The following TNS3 variants were observed in gnomAD, a reference collection of about 807,000 sequenced individuals.
The protein encoded by TNS3 is tensin 3.
A neutral mutation model predicts 140.9 loss-of-function variants in TNS3; 45 were observed. The ratio of observed to expected loss-of-function variants is 0.32; its 90% CI spans 0.25 to 0.41. TNS3 has a LOEUF of 0.41. Ranked by LOEUF, TNS3 falls within the 10% of genes least tolerant of loss-of-function variation. The probability of loss-of-function intolerance (pLI) is 1.00; values close to 1 mark genes in which losing one functional copy is unlikely to be tolerated. For synonymous variants in TNS3, 815 were observed against 788.4 expected (o/e 1.03, Z -0.56); for missense variants, 1,716 against 1,906.7 (o/e 0.90, Z 1.86).
intron 4 of TNS3, among the ~76,000 whole-genome samples, chr7:47,480,417 G>A (rs2151786557): frequency 6.6e-6 from 1 of 152,292 alleles, no homozygotes; most frequent in Admixed American, 6.5e-5. Context: ...CTTGCAGTGA[G>A]AGAAGAGGGT....
At chr7:47,424,216 C>T in intron 9 of TNS3, 32 bp from the exon 10 acceptor site, 1 of 1,610,196 alleles carries the variant, frequency 6.2e-7, no homozygotes, top group Non-Finnish European at 8.5e-7. Context: ...AGAGAGTTAA[C>T]TCAGTGGAGC....
chr7:47,351,606 G>A (rs539651555), intron 17 of TNS3, among the ~76,000 whole-genome samples: 12 of 152,240 alleles, frequency 7.9e-5, no homozygotes, highest in African/African-American at 2.4e-4. Context: ...TCAAGGCTCC[G>A]GTGCCACATC....
chr7:47,546,563 T>G (rs1341780732), intron 1 of TNS3, among the ~76,000 whole-genome samples: 2 of 152,164 alleles, frequency 1.3e-5, no homozygotes, highest in Non-Finnish European at 2.9e-5. Context: ...GTTCGATGTA[T>G]TGCTCTTATA....
intron 4 of TNS3, among the ~76,000 whole-genome samples, chr7:47,478,667 A>G (rs1276959559): frequency 6.6e-6 from 1 of 152,080 alleles, no homozygotes; most frequent in Non-Finnish European, 1.5e-5. Context: ...ACATATATAC[A>G]CTCACATATA....
chr7:47,464,477 A>C (rs1300524465), intron 4 of TNS3, among the ~76,000 whole-genome samples: 1 of 152,162 alleles, frequency 6.6e-6, no homozygotes, highest in African/African-American at 2.4e-5. Context: ...AGGATTGCTC[A>C]AGGTGGCCCC....
chr7:47,481,659 A>G lies in TNS3; in HGVS notation c.-114-518T>C, dbSNP rs1016292338. The G allele has an allele frequency of 5.6e-5, 55 of 985,268 alleles. No homozygotes were observed. The African/African-American group carries it at 8.2e-4, about 15-fold the overall frequency. The allele number at this position is 985,268 out of a possible 1,614,324, so 61.0% of individuals were successfully genotyped here. Reference sequence around the variant, plus strand: ...TGAATGTGGCAATGTCAACCTGGTTATTCCATTCCGCACAAGAGACGGGGA... The same window carrying G: ...TGAATGTGGCAATGTCAACCTGGTTGTTCCATTCCGCACAAGAGACGGGGA... On this transcript the variant is annotated intron_variant, in intron 3 of 30. Coordinates refer to ENST00000311160, the MANE Select transcript of TNS3 (RefSeq NM_022748.12).
chr7:47,361,210 A>AAAAAAAAAAAAAAAAAAAAC, intron 17 of TNS3, among the ~76,000 whole-genome samples: 1 of 144,452 alleles, frequency 6.9e-6, no homozygotes, highest in East Asian at 2.0e-4. Context: ...CCATGCCAAA[A>AAAAAAAAAAAAAAAAAAAAC]AAAAAAAAAA....
At chr7:47,457,953 C>T (rs1796325496) in intron 4 of TNS3, among the ~76,000 whole-genome samples, 1 of 152,172 alleles carries the variant, frequency 6.6e-6, no homozygotes. Context: ...CAAGCAGAAG[C>T]TTGAGCCTAT....
chr7:47,370,746 G>A (rs912852631), intron 16 of TNS3, among the ~76,000 whole-genome samples: 9 of 152,218 alleles, frequency 5.9e-5, no homozygotes, highest in African/African-American at 1.9e-4. Context: ...TCCACAGCCA[G>A]GGAGCTGCTG....
intron 20 of TNS3, among the ~76,000 whole-genome samples, chr7:47,329,085 A>G (rs1416061887): frequency 1.3e-5 from 2 of 152,190 alleles, no homozygotes; most frequent in African/African-American, 4.8e-5. Context: ...CAGTCAAGTC[A>G]AAGTGCTCTG....
In TNS3 at chr7:47,292,001, G is replaced by A; in HGVS notation, c.3882C>T (p.Pro1294=). 1 of 1,614,152 alleles carries A rather than the reference G, an allele frequency of 6.2e-7. No individual in the cohort carries two copies. The highest frequency in any genetic ancestry group is 8.5e-7 in the Non-Finnish European group (1 of 1,180,012). ...DPLEEIAESS[P]QTAANSAAEL... ...CAGCTGCTGAATTGGCTGCCGTCTGGGGAGAACTTTCTGCTATTTCCTCCA... is the reference window on the plus strand; with the variant it reads ...CAGCTGCTGAATTGGCTGCCGTCTGAGGAGAACTTTCTGCTATTTCCTCCA... Residue 1294 remains proline (P), a synonymous_variant, in exon 27 of 31, where the codon CCC becomes CCT. Coordinates refer to ENST00000311160, the MANE Select transcript of TNS3 (RefSeq NM_022748.12).
chr7:47,487,308 AAG>A (rs1491542200), intron 3 of TNS3, among the ~76,000 whole-genome samples: 2 of 151,126 alleles, frequency 1.3e-5, no homozygotes, highest in African/African-American at 4.9e-5. Flanking sequence ...AAAAAAAAAA[AAG>A]AACTGAAGCG....
intron 12 of TNS3, among the ~76,000 whole-genome samples, chr7:47,412,873 TATGTAATCTAGAG>T (rs1562707801): frequency 6.6e-6 from 1 of 152,250 alleles, no homozygotes; most frequent in Non-Finnish European, 1.5e-5. Flanking sequence ...TAGGTATTGT[TATGTAATCTAGAG>T]ATGATTTAAA....
At chr7:47,410,386 A>C (rs1793700534) in intron 13 of TNS3, among the ~76,000 whole-genome samples, 2 of 152,184 alleles carry the variant, frequency 1.3e-5, no homozygotes, top group Admixed American at 6.5e-5. Flanking sequence ...GATGTTTATA[A>C]AGTGCTTACT....
chr7:47,310,079 G>A (rs1221975464), intron 20 of TNS3, among the ~76,000 whole-genome samples: 1 of 152,174 alleles, frequency 6.6e-6, no homozygotes, highest in Non-Finnish European at 1.5e-5. Flanking sequence ...CTGTTCTGGG[G>A]AGACCAAGTT....
intron 3 of TNS3, among the ~76,000 whole-genome samples, chr7:47,494,942 C>A (rs1034197157): frequency 3.9e-5 from 6 of 151,982 alleles, no homozygotes; most frequent in African/African-American, 1.2e-4. Context: ...GTTTTGGCCC[C>A]GCTGATAAAA....
chr7:47,275,751 C>T lies in TNS3; in HGVS notation c.*2325G>A, dbSNP rs778874440. 11 of 452,748 alleles carry T rather than the reference C, an allele frequency of 2.4e-5. No individual in the cohort carries two copies. Among genetic ancestry groups the T allele is most frequent in the Admixed American group, 7.1e-5 (3 of 42,460 alleles). The allele number at this position is 452,748 out of a possible 1,614,324, so 28.0% of individuals were successfully genotyped here. A position where few individuals can be genotyped will look rare whatever the true frequency, so the allele number is the denominator to read the frequency against. On this transcript the variant is annotated 3_prime_UTR_variant, in exon 31 of 31. Transcript: ENST00000311160. ...AGCTATCTGCTTGGAGCAAATTCCC[C>T]GATGCCCTTGACCACGTTTACCTTG...
chr7:47,491,344 G>A (rs1562799738), intron 3 of TNS3, among the ~76,000 whole-genome samples: 2 of 152,190 alleles, frequency 1.3e-5, no homozygotes, highest in African/African-American at 4.8e-5. Flanking sequence ...CTGAAATTAG[G>A]GCAAGCCCTC....
intron 4 of TNS3, among the ~76,000 whole-genome samples, chr7:47,442,778 A>C (rs956367173): frequency 6.6e-6 from 1 of 152,144 alleles, no homozygotes; most frequent in African/African-American, 2.4e-5. Flanking sequence ...TGCACACAGG[A>C]GCCCAGAGAC....
Sources: allele counts gnomAD v4.1 joint callset (sites outside exome capture counted in the v4.1 genomes callset), GRCh38; gene constraint gnomAD v4.1.1; transcripts MANE v1.5; gene names NCBI Gene and HGNC (gene_info 2026-07-23, HGNC 2026-07-21).